PCDH15: variants seen among roughly 807,000 people sequenced by gnomAD.
PCDH15 encodes the protein protocadherin-15.
PCDH15 carries 129 observed loss-of-function variants against 178.5 expected under a neutral mutation model. That is an observed-to-expected ratio of 0.72 (90% confidence interval 0.63 to 0.84). The LOEUF (loss-of-function observed/expected upper bound fraction) is 0.84, where lower values mean the gene tolerates loss of function less well. Ranked by LOEUF, PCDH15 falls within the 40% of genes least tolerant of loss-of-function variation. The probability of loss-of-function intolerance (pLI) is 0.00; values close to 1 mark genes in which losing one functional copy is unlikely to be tolerated. For missense variants in PCDH15, 2,230 were observed against 2,099.9 expected (o/e 1.06, Z -1.21); for synonymous variants, 800 against 732.0 (o/e 1.09, Z -1.50).
At chr10:55,356,685 CTAAA>C (rs1158366948) in intron 2 of PCDH15, among the ~76,000 whole-genome samples, 4 of 151,796 alleles carry the variant, frequency 2.6e-5, no homozygotes, top group African/African-American at 7.2e-5. Context: ...TGGAATGATA[CTAAA>C]TACTTTTCAT....
At chr10:54,318,544 A>C (rs1478517862) in intron 7 of PCDH15, among the ~76,000 whole-genome samples, 1 of 152,172 alleles carries the variant, frequency 6.6e-6, no homozygotes, top group Non-Finnish European at 1.5e-5. Context: ...AGATTTCCTT[A>C]GTTTTTACTT....
At chr10:55,084,677 T>C (rs146837638) in intron 2 of PCDH15, among the ~76,000 whole-genome samples, 37 of 151,954 alleles carry the variant, frequency 2.4e-4, no homozygotes, top group African/African-American at 7.0e-4. Flanking sequence ...ACTATCCATC[T>C]AACAAGGGAT....
intron 13 of PCDH15, among the ~76,000 whole-genome samples, chr10:54,172,737 A>T (rs1287019839): frequency 6.6e-6 from 1 of 152,180 alleles, no homozygotes; most frequent in East Asian, 1.9e-4. Context: ...GCGTGAATAT[A>T]GTCAAAATTA....
intron 2 of PCDH15, among the ~76,000 whole-genome samples, chr10:55,459,127 A>G (rs1249018212): frequency 6.6e-6 from 1 of 151,822 alleles, no homozygotes; most frequent in Non-Finnish European, 1.5e-5. Flanking sequence ...GATACAAGCA[A>G]AAGTACAAGA....
intron 1 of PCDH15, among the ~76,000 whole-genome samples, chr10:55,196,157 T>A (rs1046974164): frequency 6.6e-6 from 1 of 152,084 alleles, no homozygotes; most frequent in Non-Finnish European, 1.5e-5. Flanking sequence ...CTCTGCTTAG[T>A]GTGATAGCCA....
At chr10:55,055,621 G>A (rs1377117966) in intron 2 of PCDH15, among the ~76,000 whole-genome samples, 1 of 152,060 alleles carries the variant, frequency 6.6e-6, no homozygotes, top group Non-Finnish European at 1.5e-5. Context: ...TGGACAACAT[G>A]TTGAAACCTT....
chr10:54,797,974 C>T (rs972366476), intron 1 of PCDH15, among the ~76,000 whole-genome samples: 1 of 151,960 alleles, frequency 6.6e-6, no homozygotes, highest in Non-Finnish European at 1.5e-5. Context: ...AACTACCTCC[C>T]ATCCTGCCCC....
Position 54,156,619 on chromosome 10 carries a change from C to T in PCDH15, c.1591-3326G>A, listed in dbSNP as rs61858437. Among the ~76,000 whole-genome samples the T allele has an allele frequency of 9.9e-3, 1,506 of 152,308 alleles. 14 individuals are homozygous for T. The highest frequency in any genetic ancestry group is 0.02 in the Middle Eastern group (6 of 294). ...AGATCTGAGTGGGAATACATCCAAA[C>T]CATATCATTCCAACCCTGGCCCCTC... On this transcript the variant is annotated intron_variant, in intron 13 of 37. Transcript: ENST00000644397.
At chr10:54,573,988 T>C (rs948834192) in intron 2 of PCDH15, among the ~76,000 whole-genome samples, 1 of 152,222 alleles carries the variant, frequency 6.6e-6, no homozygotes, top group Admixed American at 6.5e-5. Flanking sequence ...CTGTTCACTC[T>C]GATGGTAGTT....
intron 27 of PCDH15, among the ~76,000 whole-genome samples, chr10:53,860,261 C>G (rs2079016113): frequency 6.6e-6 from 1 of 152,166 alleles, no homozygotes; most frequent in Admixed American, 6.6e-5. Context: ...TCATCCAGCT[C>G]TTTCTGTCTT....
intron 3 of PCDH15, among the ~76,000 whole-genome samples, chr10:54,432,977 C>A (rs1329044331): frequency 6.6e-6 from 1 of 152,082 alleles, no homozygotes; most frequent in African/African-American, 2.4e-5. Context: ...AGGTGCTAAA[C>A]ATCACTGACC....
chr10:54,165,703 CTT>C (rs2046154945), intron 13 of PCDH15, among the ~76,000 whole-genome samples: 1 of 152,144 alleles, frequency 6.6e-6, no homozygotes, highest in East Asian at 1.9e-4. Context: ...AGGACCCAGT[CTT>C]TCATACTTCT....
At chr10:54,705,904 T>C (rs2095360655) in intron 1 of PCDH15, among the ~76,000 whole-genome samples, 1 of 152,184 alleles carries the variant, frequency 6.6e-6, no homozygotes, top group Non-Finnish European at 1.5e-5. Context: ...CTGAACAGTA[T>C]TGATAGATGT....
chr10:54,817,886 C>T (rs1952973971), intron 3 of PCDH15, among the ~76,000 whole-genome samples: 1 of 152,012 alleles, frequency 6.6e-6, no homozygotes, highest in Non-Finnish European at 1.5e-5. Context: ...TATATTTACA[C>T]ATATGCTAAA....
chr10:55,399,123 C>T (rs919933725), intron 2 of PCDH15, among the ~76,000 whole-genome samples: 1 of 151,920 alleles, frequency 6.6e-6, no homozygotes, highest in Non-Finnish European at 1.5e-5. Flanking sequence ...TTCAAAAAGG[C>T]TTGGTTTGTT....
intron 2 of PCDH15, among the ~76,000 whole-genome samples, chr10:55,607,134 A>G (rs1300693678): frequency 3.3e-4 from 50 of 152,192 alleles, no homozygotes; most frequent in Admixed American, 2.4e-3. Flanking sequence ...GCAGCCAAAA[A>G]ACACATGAAA....
At chr10:54,266,686 A>G (rs2057714521) in intron 8 of PCDH15, among the ~76,000 whole-genome samples, 1 of 151,934 alleles carries the variant, frequency 6.6e-6, no homozygotes, top group African/African-American at 2.4e-5. Context: ...TATGTGCACA[A>G]CTAGATAACC....
At chr10:55,586,613 G>C (rs561118308) in intron 2 of PCDH15, among the ~76,000 whole-genome samples, 86 of 152,124 alleles carry the variant, frequency 5.7e-4, no homozygotes, top group African/African-American at 2.0e-3. Flanking sequence ...TTTCTAATTA[G>C]ATAAAGGGGC....
chr10:55,127,603 A>G (rs1204714571), intron 2 of PCDH15, among the ~76,000 whole-genome samples: 1 of 152,072 alleles, frequency 6.6e-6, no homozygotes, highest in Non-Finnish European at 1.5e-5. Context: ...GCAGTCCTTT[A>G]CCCTAATATA....
Sources: gnomAD v4.1 joint callset for allele counts (sites outside exome capture counted in the v4.1 genomes callset) on GRCh38, gnomAD v4.1.1 for gene constraint, MANE v1.5 for transcripts, NCBI Gene and HGNC (gene_info 2026-07-23, HGNC 2026-07-21) for gene names.